DZIP3: variants seen among roughly 807,000 people sequenced by gnomAD.
DZIP3 encodes DAZ interacting zinc finger protein 3.
In DZIP3, 118 loss-of-function variants were observed where a neutral mutation model predicts 162.0. That is an observed-to-expected ratio of 0.73 (90% CI 0.63 to 0.85). The LOEUF (loss-of-function observed/expected upper bound fraction) is 0.85, where lower values mean the gene tolerates loss of function less well. Among genes scored for constraint, DZIP3 ranks in the 40% least tolerant of loss-of-function variants. DZIP3 has a pLI of 0.00. For missense variants in DZIP3, 1,331 were observed against 1,407.0 expected (o/e 0.95, Z 0.86); for synonymous variants, 438 against 458.6 (o/e 0.96, Z 0.57).
chr3:108,590,280 G>A (rs545500233), intron 1 of DZIP3, among the ~76,000 whole-genome samples: 2 of 152,096 alleles, frequency 1.3e-5, no homozygotes, highest in Non-Finnish European at 2.9e-5. Flanking sequence ...TCCTAACGTC[G>A]AATAAAGCTT....
chr3:108,658,502 G>A (rs1284580956), intron 19 of DZIP3, among the ~76,000 whole-genome samples: 1 of 151,998 alleles, frequency 6.6e-6, no homozygotes, highest in East Asian at 1.9e-4. Flanking sequence ...TGTGTAGAGG[G>A]AAATTTGTAG....
At chr3:108,634,042 A>G (rs905851611) in intron 9 of DZIP3, among the ~76,000 whole-genome samples, 2 of 150,440 alleles carry the variant, frequency 1.3e-5, no homozygotes, top group African/African-American at 2.4e-5. Flanking sequence ...GGATGAGATG[A>G]TGTGAAAATC....
intron 14 of DZIP3, among the ~76,000 whole-genome samples, chr3:108,646,192 C>T (rs1454849460): frequency 6.6e-6 from 1 of 152,054 alleles, no homozygotes; most frequent in Non-Finnish European, 1.5e-5. Flanking sequence ...GCCTGATGTA[C>T]ATTGTAGGTG....
At chr3:108,693,106 A>AT (rs1405776989) in intron 32 of DZIP3, among the ~76,000 whole-genome samples, 24 of 150,646 alleles carry the variant, frequency 1.6e-4, no homozygotes, top group Admixed American at 2.7e-4. Context: ...ATGTCAAGAG[A>AT]TTTTTTTTTA....
At position 108,684,230 on chromosome 3, in the gene DZIP3, A is replaced by T. The variant is rs779991172; in HGVS notation, c.2898A>T (p.Leu966Phe). ...TTCTATTTTAGATGCAGCAGTTCTT[A>T]GGAAGACCTCTTGTGAAAGAATCTT... ...PSPEILMQQF[L>F]GRPLVKESFF... Residue 966 changes from leucine (L) to phenylalanine (F), a missense_variant, in exon 27 of 33, where the codon TTA (leucine) becomes TTT (phenylalanine). By Grantham distance (22) the Leu-to-Phe change is conservative. Around this residue, in one of 2 missense-constraint regions of DZIP3, gnomAD observed 1,278 missense variants for 1,317.1 expected, o/e 0.97. Transcript: ENST00000361582. 9.9e-6 allele frequency: 16 copies of T among 1,610,842 alleles called. No homozygotes were observed. In the South Asian group the frequency reaches 1.8e-4, roughly 18 times the overall value.
At position 108,688,502 on chromosome 3, in the gene DZIP3, GT is replaced by G. The variant is rs772295824; in HGVS notation, c.3271-89del. 3 of 1,369,950 alleles carry G rather than the reference GT, an allele frequency of 2.2e-6. No individual in the cohort carries two copies. The East Asian group carries it at 7.0e-5, about 32-fold the overall frequency. 84.9% of individuals were successfully genotyped at this position (1,369,950 alleles called of 1,614,324 possible). ...AATCTGATTATTTACCCTTTTGCTA[GT>G]TCTTACTATACCCCGTTCTGTACTA... On this transcript the variant is annotated intron_variant, in intron 29 of 32. Coordinates refer to ENST00000361582, the MANE Select transcript of DZIP3 (RefSeq NM_014648.4).
At chr3:108,614,956 A>G (rs1041400898) in intron 4 of DZIP3, among the ~76,000 whole-genome samples, 6 of 152,126 alleles carry the variant, frequency 3.9e-5, no homozygotes, top group Non-Finnish European at 7.3e-5. Flanking sequence ...AACTATTTCC[A>G]TTGAAATCCT....
intron 26 of DZIP3, 65 bp downstream of exon 26, chr3:108,677,663 A>C: frequency 7.5e-7 from 1 of 1,339,914 alleles, no homozygotes; most frequent in Non-Finnish European, 1.1e-6. Context: ...GGGCTGTGAA[A>C]CACTGAATAT....
chr3:108,656,387 C>A (rs1166768868), intron 19 of DZIP3, among the ~76,000 whole-genome samples: 2 of 152,154 alleles, frequency 1.3e-5, no homozygotes, highest in African/African-American at 4.8e-5. Context: ...CAAACAGGGT[C>A]TGGAGTGGAC....
At chr3:108,667,002 A>T (rs77023094) in intron 21 of DZIP3, among the ~76,000 whole-genome samples, 4,279 of 152,120 alleles carry the variant, frequency 0.028, 217 homozygotes, top group African/African-American at 0.098. Context: ...CAAAGCAAGC[A>T]GGAGGAAATA....
chr3:108,644,067 G>C (rs1257219037), intron 13 of DZIP3, 97 bp from the exon 14 acceptor site: 2 of 1,409,950 alleles, frequency 1.4e-6, no homozygotes, highest in African/African-American at 1.4e-5. Flanking sequence ...TTTTGGAATA[G>C]TTTTTATCCT....
At position 108,621,023 on chromosome 3, in the gene DZIP3, A is replaced by G. The variant is rs1025470919; in HGVS notation, c.376-3421A>G. On this transcript the variant is annotated intron_variant, in intron 5 of 32. Transcript: ENST00000361582. ...TTTTTAGTAGAGACAGGGTTTCACC[A>G]TGTTGGCCAGGATGGTCTCGATGTC... Among the ~76,000 whole-genome samples the G allele has an allele frequency of 1.3e-5, 2 of 152,054 alleles. 1 individual carries two copies. Among genetic ancestry groups the G allele is most frequent in the Admixed American group, 1.3e-4 (2 of 15,272 alleles).
intron 19 of DZIP3, among the ~76,000 whole-genome samples, chr3:108,657,334 C>T (rs1482149918): frequency 1.3e-5 from 2 of 152,106 alleles, no homozygotes; most frequent in Non-Finnish European, 2.9e-5. Flanking sequence ...GGCCAATATT[C>T]AACATTCTTA....
Position 108,674,200 on chromosome 3 carries a change from T to C in DZIP3, c.2693+19T>C, listed in dbSNP as rs1256512837. The C allele has an allele frequency of 6.3e-7, 1 of 1,587,416 alleles. No individual in the cohort carries two copies. The highest frequency in any genetic ancestry group is 1.3e-5 in the African/African-American group (1 of 74,272). ...CAGCAAGGTAACCTTTCCCTCTTCCTTAATGCATCTTAATTTTAGAGATGT... is the reference window on the plus strand; with the variant it reads ...CAGCAAGGTAACCTTTCCCTCTTCCCTAATGCATCTTAATTTTAGAGATGT... On this transcript the variant is annotated intron_variant, in intron 24 of 32. Coordinates refer to ENST00000361582, the MANE Select transcript of DZIP3 (RefSeq NM_014648.4).
intron 1 of DZIP3, among the ~76,000 whole-genome samples, chr3:108,599,128 A>G (rs1258773524): frequency 6.6e-6 from 1 of 152,230 alleles, no homozygotes; most frequent in Non-Finnish European, 1.5e-5. Flanking sequence ...AGGGGTGATG[A>G]GTATACATTA....
chr3:108,637,727 A>G (rs1942222535), intron 12 of DZIP3, among the ~76,000 whole-genome samples, 179 bp downstream of exon 12: 1 of 152,128 alleles, frequency 6.6e-6, no homozygotes, highest in South Asian at 2.1e-4. Context: ...GTAGACATTT[A>G]CATTCTAAAG....
chr3:108,612,749 T>C (rs1032599889), intron 4 of DZIP3, among the ~76,000 whole-genome samples: 1 of 152,172 alleles, frequency 6.6e-6, no homozygotes, highest in African/African-American at 2.4e-5. Context: ...TATTGTCTTT[T>C]CAATTTTTTA....
chr3:108,661,449 C>T (rs1291898350), intron 19 of DZIP3, among the ~76,000 whole-genome samples: 1 of 152,026 alleles, frequency 6.6e-6, no homozygotes, highest in Non-Finnish European at 1.5e-5. Context: ...AACACATGGA[C>T]ACAGGAAGGG....
intron 9 of DZIP3, 44 bp downstream of exon 9, chr3:108,633,116 A>C (rs760335955): frequency 3.9e-6 from 4 of 1,021,612 alleles, no homozygotes; most frequent in Non-Finnish European, 5.2e-6. Context: ...AAGTAATTGA[A>C]AAATTATATA....
Sources: gnomAD v4.1 joint callset for allele counts (sites outside exome capture counted in the v4.1 genomes callset) on GRCh38, gnomAD v4.1.1 for gene constraint, gnomAD v4.1.1 regional missense constraint, MANE v1.5 for transcripts, NCBI Gene and HGNC (gene_info 2026-07-23, HGNC 2026-07-21) for gene names.